Variants in PKD2L2 observed in about 807,000 individuals in gnomAD.
The protein encoded by PKD2L2 is polycystin-2-like protein 2.
In PKD2L2, 67 loss-of-function variants were observed where a neutral mutation model predicts 83.9. The ratio of observed to expected loss-of-function variants is 0.80; its 90% CI spans 0.66 to 0.98. The LOEUF is 0.98. Ranked by LOEUF, PKD2L2 falls within the 50% of genes least tolerant of loss-of-function variation. PKD2L2 has a pLI of 0.00. For synonymous variants in PKD2L2, 223 were observed against 237.8 expected, an observed-to-expected ratio of 0.94 and a Z score of 0.57; for missense variants, 632 against 717.2, an observed-to-expected ratio of 0.88 and a Z score of 1.36.
intron 10 of PKD2L2, among the ~76,000 whole-genome samples, chr5:137,924,092 C>T (rs1031135319): frequency 5.3e-5 from 8 of 152,204 alleles, no homozygotes; most frequent in Non-Finnish European, 5.9e-5. Flanking sequence ...ACTGCCACCA[C>T]TAGATGAGGC....
intron 5 of PKD2L2, among the ~76,000 whole-genome samples, chr5:137,904,926 CAAAT>C (rs1406474079): frequency 6.6e-6 from 1 of 152,100 alleles, no homozygotes. Flanking sequence ...ATGAATAAAA[CAAAT>C]AAACTGCCTT....
intron 8 of PKD2L2, among the ~76,000 whole-genome samples, chr5:137,915,626 G>C (rs1758259541): frequency 6.6e-6 from 1 of 152,028 alleles, no homozygotes. Context: ...TCACCATGTT[G>C]GTCAAGCTGG....
At chr5:137,924,097 T>C (rs1027584733) in intron 10 of PKD2L2, among the ~76,000 whole-genome samples, 1 of 152,242 alleles carries the variant, frequency 6.6e-6, no homozygotes, top group African/African-American at 2.4e-5. Flanking sequence ...CACCACTAGA[T>C]GAGGCTTTCA....
rs1289153737 is a variant in PKD2L2, at chr5:137,922,180, TG to T, written c.1449+427del. Among the ~76,000 whole-genome samples, 6 of 152,220 alleles carry T rather than the reference TG, an allele frequency of 3.9e-5. No homozygotes were observed. In the South Asian group the frequency reaches 6.2e-4, roughly 16 times the overall value. ...CACATGCACTCAGAACAAGTCTATT[TG>T]GGCCTCCTAACCAAGGAATCTTGCC... On this transcript the variant is annotated intron_variant, in intron 9 of 14. Transcript: ENST00000508883.
intron 10 of PKD2L2, among the ~76,000 whole-genome samples, chr5:137,923,812 GTAT>G (rs1326389345): frequency 1.3e-5 from 2 of 152,154 alleles, no homozygotes; most frequent in Admixed American, 1.3e-4. Flanking sequence ...GCGCTGCTGA[GTAT>G]TATAATAAAA....
intron 3 of PKD2L2, among the ~76,000 whole-genome samples, chr5:137,893,984 C>CGG (rs1756221002): frequency 6.6e-6 from 1 of 152,096 alleles, no homozygotes; most frequent in Admixed American, 6.5e-5. Flanking sequence ...TGGCCAGAGT[C>CGG]GGGGAGGAGG....
chr5:137,936,008 C>G lies in PKD2L2; in HGVS notation c.1784+99C>G, dbSNP rs952621160. 60 of 733,238 alleles carry G rather than the reference C, an allele frequency of 8.2e-5. No homozygotes were observed. In the African/African-American group the frequency reaches 1.0e-3, roughly 13 times the overall value. The allele number at this position is 733,238 out of a possible 1,614,324, so 45.4% of individuals were successfully genotyped here. A position where few individuals can be genotyped will look rare whatever the true frequency, so the allele number is the denominator to read the frequency against. ...ATTTTCCTGAACCCAAAACTTTACT[C>G]TATTAGGATGCCTTTATTTACTTTC... On this transcript the variant is annotated intron_variant, in intron 13 of 14. Transcript: ENST00000508883.
intron 10 of PKD2L2, 39 bp from the exon 11 acceptor site, chr5:137,925,001 A>G (rs200842047): frequency 8.9e-7 from 1 of 1,117,356 alleles, no homozygotes; most frequent in Admixed American, 1.8e-5. Context: ...TCAAGGATAT[A>G]TTTTAATGCA....
chr5:137,911,805 C>T (rs371714308), intron 8 of PKD2L2, among the ~76,000 whole-genome samples: 3 of 152,146 alleles, frequency 2.0e-5, no homozygotes, highest in African/African-American at 7.2e-5. Flanking sequence ...CTCTCAACTC[C>T]CCCTGAACTC....
intron 12 of PKD2L2, among the ~76,000 whole-genome samples, chr5:137,934,736 C>T (rs6872829): frequency 0.74 from 112,247 of 152,002 alleles, 42,099 homozygotes; most frequent in East Asian, 0.97. Flanking sequence ...CCTTTGAACC[C>T]GGGAGGGGTG....
intron 12 of PKD2L2, among the ~76,000 whole-genome samples, chr5:137,932,746 T>G (rs1759979056): frequency 6.6e-6 from 1 of 152,222 alleles, no homozygotes; most frequent in African/African-American, 2.4e-5. Flanking sequence ...CAGATTTTTT[T>G]TGGATGTTGG....
At chr5:137,934,453 T>C (rs1032210715) in intron 12 of PKD2L2, among the ~76,000 whole-genome samples, 6 of 152,296 alleles carry the variant, frequency 3.9e-5, no homozygotes, top group African/African-American at 9.6e-5. Flanking sequence ...AGCCAAACCA[T>C]GGGTGCTATA....
chr5:137,915,583 C>A (rs368693036), intron 8 of PKD2L2, among the ~76,000 whole-genome samples: 2 of 152,020 alleles, frequency 1.3e-5, no homozygotes, highest in South Asian at 2.1e-4. Context: ...CCACCATGCC[C>A]GGCTAATTTT....
At chr5:137,903,884 G>A (rs1357814299) in intron 5 of PKD2L2, among the ~76,000 whole-genome samples, 1 of 152,084 alleles carries the variant, frequency 6.6e-6, no homozygotes, top group Non-Finnish European at 1.5e-5. Flanking sequence ...AACCTCCTGA[G>A]TATCTGGGAT....
At chr5:137,924,962 T>G in intron 10 of PKD2L2, 78 bp from the exon 11 acceptor site, 1 of 868,380 alleles carries the variant, frequency 1.2e-6, no homozygotes, top group Non-Finnish European at 1.9e-6. Flanking sequence ...GCATTCCATA[T>G]TTATTTTACT....
intron 12 of PKD2L2, among the ~76,000 whole-genome samples, chr5:137,927,282 A>G (rs1433407188): frequency 6.6e-6 from 1 of 152,214 alleles, no homozygotes; most frequent in African/African-American, 2.4e-5. Flanking sequence ...AGGCCATGAG[A>G]ATTAGCATCC....
At chr5:137,933,097 A>G in intron 12 of PKD2L2, among the ~76,000 whole-genome samples, 1 of 152,088 alleles carries the variant, frequency 6.6e-6, no homozygotes, top group East Asian at 1.9e-4. Context: ...TATCCTGCAA[A>G]TACTGGCAGA....
intron 14 of PKD2L2, chr5:137,939,814 G>T (rs1347961743): frequency 5.7e-6 from 7 of 1,218,672 alleles, no homozygotes; most frequent in Non-Finnish European, 6.2e-6. Context: ...TAAGAAAAAG[G>T]CAACAGAAGA....
At chr5:137,925,433 T>C (rs1039747648) in intron 11 of PKD2L2, among the ~76,000 whole-genome samples, 4 of 152,192 alleles carry the variant, frequency 2.6e-5, no homozygotes, top group African/African-American at 9.7e-5. Flanking sequence ...TAATTTAAAA[T>C]TAATATAATG....
Sources: allele counts gnomAD v4.1 joint callset (sites outside exome capture counted in the v4.1 genomes callset), GRCh38; gene constraint gnomAD v4.1.1; transcripts MANE v1.5; gene names NCBI Gene and HGNC (gene_info 2026-07-23, HGNC 2026-07-21).